Variants in STK3 observed in about 807,000 individuals in gnomAD.
The protein encoded by STK3 is serine/threonine kinase 3.
A neutral mutation model predicts 58.0 loss-of-function variants in STK3; 41 were observed. The ratio of observed to expected loss-of-function variants is 0.71; its 90% CI spans 0.55 to 0.92. The LOEUF (loss-of-function observed/expected upper bound fraction) is 0.92. Among genes scored for constraint, STK3 ranks in the 40% least tolerant of loss-of-function variants. The pLI is 0.00. For synonymous variants in STK3, 170 were observed against 191.0 expected (o/e 0.89, Z 0.91); for missense variants, 479 against 602.7 (o/e 0.79, Z 2.15).
In STK3 at chr8:98,645,786, T is replaced by TTA. The variant is rs560352210; in HGVS notation, c.685-49619_685-49618dup. 6.3e-4 allele frequency among the ~76,000 whole-genome samples: 96 copies of TTA among 151,584 alleles called. 1 individual carries two copies. Among genetic ancestry groups the TTA allele is most frequent in the African/African-American group, 1.9e-3 (78 of 41,444 alleles). On this transcript the variant is annotated intron_variant, in intron 6 of 10. Coordinates refer to ENST00000419617, the MANE Select transcript of STK3 (RefSeq NM_006281.4). ...CAAAACACTTTCACTACTTTTCTAATTATATATATATACATATATAGATAT... is the reference window on the plus strand; with the variant it reads ...CAAAACACTTTCACTACTTTTCTAATTATATATATATATACATATATAGATAT...
intron 8 of STK3, among the ~76,000 whole-genome samples, chr8:98,560,175 A>T (rs1447388780): frequency 6.6e-6 from 1 of 152,174 alleles, no homozygotes; most frequent in Non-Finnish European, 1.5e-5. Flanking sequence ...GAGACAAGGA[A>T]ACATAGTGAG....
intron 6 of STK3, among the ~76,000 whole-genome samples, chr8:98,690,899 T>C (rs1179840119): frequency 1.3e-5 from 2 of 152,170 alleles, no homozygotes; most frequent in Non-Finnish European, 2.9e-5. Context: ...TGGGATCATG[T>C]CCTTTGCAGG....
Position 98,893,811 on chromosome 8 carries a change from G to A in STK3, c.-78-9977C>T, listed in dbSNP as rs140054231. Among the ~76,000 whole-genome samples the A allele has an allele frequency of 4.3e-3, 661 of 152,320 alleles. 5 individuals are homozygous for A. Among genetic ancestry groups the A allele is most frequent in the African/African-American group, 0.014 (589 of 41,572 alleles). ...TGCCATGGAGAAGCTGCAAGAACAAGGCAGAGTGGACTGGACAGTCTGTGT... is the reference window on the plus strand; with the variant it reads ...TGCCATGGAGAAGCTGCAAGAACAAAGCAGAGTGGACTGGACAGTCTGTGT... On this transcript the variant is annotated intron_variant, in intron 1 of 1. Transcript: ENST00000519420.
At chr8:98,539,433 TCA>T (rs1055967604) in intron 9 of STK3, among the ~76,000 whole-genome samples, 28 of 151,934 alleles carry the variant, frequency 1.8e-4, no homozygotes, top group African/African-American at 6.8e-4. Flanking sequence ...GGGAGTAGAG[TCA>T]GTCTTCTCTT....
At chr8:98,637,151 T>C (rs1051155091) in intron 6 of STK3, among the ~76,000 whole-genome samples, 1 of 151,566 alleles carries the variant, frequency 6.6e-6, no homozygotes, top group Non-Finnish European at 1.5e-5. Context: ...TGCCTAAAAG[T>C]CCAAATACTG....
At chr8:98,686,054 C>T (rs1563888417) in intron 6 of STK3, among the ~76,000 whole-genome samples, 1 of 152,078 alleles carries the variant, frequency 6.6e-6, no homozygotes, top group Non-Finnish European at 1.5e-5. Flanking sequence ...CTCTTATCTA[C>T]CCTTTCCTAT....
upstream of STK3, among the ~76,000 whole-genome samples, chr8:98,390,373 G>A (rs1817837309): frequency 1.3e-5 from 2 of 152,038 alleles, no homozygotes. Flanking sequence ...TGCCTCCAGG[G>A]TTTCTGATGA....
At chr8:98,716,181 A>G (rs1370722178) in intron 4 of STK3, among the ~76,000 whole-genome samples, 1 of 152,246 alleles carries the variant, frequency 6.6e-6, no homozygotes, top group East Asian at 1.9e-4. Flanking sequence ...TATACTTGAC[A>G]TTAAATGATG....
intron 3 of STK3, among the ~76,000 whole-genome samples, chr8:98,859,996 T>C (rs914323197): frequency 6.6e-6 from 1 of 152,212 alleles, no homozygotes; most frequent in Non-Finnish European, 1.5e-5. Context: ...GGTGTGGTTG[T>C]GGGTGTTCAG....
Position 98,523,571 on chromosome 8 carries a change from C to T in STK3, c.1317+3171G>A, listed in dbSNP as rs536429929. On this transcript the variant is annotated intron_variant, in intron 10 of 10. Transcript: ENST00000419617. ...TGTATTTTTAGTACAGGTGGGGTTT[C>T]GCCTTGTTGGTCAGGCTGGTCTCAA... Among the ~76,000 whole-genome samples, 63 of 152,108 alleles carry T rather than the reference C, an allele frequency of 4.1e-4. 1 individual carries two copies. The highest frequency in any genetic ancestry group is 1.5e-3 in the African/African-American group (62 of 41,500).
chr8:98,870,401 C>T (rs1837326435), intron 3 of STK3, among the ~76,000 whole-genome samples: 1 of 152,178 alleles, frequency 6.6e-6, no homozygotes, highest in African/African-American at 2.4e-5. Flanking sequence ...AGTTCTACAT[C>T]CTTCAGAAAT....
At chr8:98,760,305 A>AT (rs997889043) in intron 3 of STK3, among the ~76,000 whole-genome samples, 12 of 151,680 alleles carry the variant, frequency 7.9e-5, no homozygotes, top group African/African-American at 2.7e-4. Context: ...ACCCGGACTA[A>AT]TTTTTTTTAT....
chr8:98,844,715 C>T (rs552114940), intron 3 of STK3, among the ~76,000 whole-genome samples: 107 of 152,236 alleles, frequency 7.0e-4, no homozygotes, highest in African/African-American at 2.3e-3. Context: ...ATCCTCCTGC[C>T]TCAGCCTCCA....
chr8:98,505,800 G>A (rs186289665), intron 10 of STK3, among the ~76,000 whole-genome samples: 4 of 152,298 alleles, frequency 2.6e-5, no homozygotes, highest in African/African-American at 4.8e-5. Flanking sequence ...GCTGTGTGAG[G>A]TGTCAGTTGG....
At chr8:98,894,067 G>A (rs1373257887) in intron 1 of STK3, among the ~76,000 whole-genome samples, 1 of 152,158 alleles carries the variant, frequency 6.6e-6, no homozygotes, top group Non-Finnish European at 1.5e-5. Flanking sequence ...ATCACCCGGT[G>A]ATGTTTCTGG....
At chr8:98,540,890 C>T (rs1340366711) in intron 9 of STK3, among the ~76,000 whole-genome samples, 1 of 152,192 alleles carries the variant, frequency 6.6e-6, no homozygotes, top group Non-Finnish European at 1.5e-5. Flanking sequence ...TGATTATTTA[C>T]AGCAGCATTC....
chr8:98,925,447 G>A (rs1839752445), intron 1 of STK3, among the ~76,000 whole-genome samples: 1 of 152,222 alleles, frequency 6.6e-6, no homozygotes, highest in Non-Finnish European at 1.5e-5. Context: ...AGCAGAATTG[G>A]AGAGAAACTG....
intron 4 of STK3, among the ~76,000 whole-genome samples, chr8:98,742,732 C>A (rs1189623875): frequency 6.6e-6 from 1 of 151,634 alleles, no homozygotes; most frequent in African/African-American, 2.4e-5. Context: ...CTGGCCAGGG[C>A]AATTAGGCAG....
intron 4 of STK3, among the ~76,000 whole-genome samples, chr8:98,743,413 C>T (rs924263465): frequency 2.0e-5 from 3 of 152,010 alleles, no homozygotes; most frequent in Non-Finnish European, 4.4e-5. Context: ...CAGAACAGAG[C>T]CCTCAGAAAT....
Sources: gnomAD v4.1 joint callset for allele counts (sites outside exome capture counted in the v4.1 genomes callset) on GRCh38, gnomAD v4.1.1 for gene constraint, MANE v1.5 for transcripts, NCBI Gene and HGNC (gene_info 2026-07-23, HGNC 2026-07-21) for gene names.